Variants in EYS observed in about 807,000 individuals in gnomAD.
EYS encodes the protein protein eyes shut homolog.
In EYS, 250 loss-of-function variants were observed where a neutral mutation model predicts 282.1. That is an observed-to-expected ratio of 0.89 (90% CI 0.80 to 0.98). The LOEUF (loss-of-function observed/expected upper bound fraction) is 0.98. Among genes scored for constraint, EYS ranks in the 50% least tolerant of loss-of-function variants. EYS has a pLI of 0.00. For synonymous variants in EYS, 1,355 were observed against 1,282.9 expected, an observed-to-expected ratio of 1.06 and a Z score of -1.20; for missense variants, 4,016 against 3,709.0, an observed-to-expected ratio of 1.08 and a Z score of -2.15.
At chr6:64,646,198 G>C (rs370911144) in intron 22 of EYS, among the ~76,000 whole-genome samples, 20 of 152,256 alleles carry the variant, frequency 1.3e-4, no homozygotes, top group African/African-American at 4.8e-4. Context: ...CGTCTGCCCT[G>C]TTACTTCAGT....
At chr6:65,123,303 A>T (rs1183788741) in intron 12 of EYS, among the ~76,000 whole-genome samples, 1 of 152,218 alleles carries the variant, frequency 6.6e-6, no homozygotes, top group East Asian at 1.9e-4. Flanking sequence ...GTATTCTGTA[A>T]TACAGTTATG....
At chr6:64,517,992 C>T (rs1006660312) in intron 26 of EYS, among the ~76,000 whole-genome samples, 9 of 151,830 alleles carry the variant, frequency 5.9e-5, no homozygotes, top group African/African-American at 2.2e-4. Flanking sequence ...CTTGCCTTTT[C>T]TTTGTAATCT....
intron 30 of EYS, among the ~76,000 whole-genome samples, chr6:64,262,561 T>C (rs11966030): frequency 0.015 from 2,327 of 152,042 alleles, 57 homozygotes; most frequent in African/African-American, 0.053. Flanking sequence ...AATATCTAAG[T>C]AAAAATTTGA....
At chr6:64,396,148 A>AT (rs1773368856) in intron 28 of EYS, among the ~76,000 whole-genome samples, 1 of 152,062 alleles carries the variant, frequency 6.6e-6, no homozygotes, top group African/African-American at 2.4e-5. Context: ...TGAGATATAT[A>AT]TTTTTGAATT....
At chr6:65,554,554 T>G (rs941523008) in intron 2 of EYS, among the ~76,000 whole-genome samples, 1 of 152,180 alleles carries the variant, frequency 6.6e-6, no homozygotes, top group African/African-American at 2.4e-5. Context: ...TTGTATGCCA[T>G]ATTTGCCTAC....
chr6:64,453,391 G>A (rs1375305037), intron 26 of EYS, among the ~76,000 whole-genome samples: 1 of 152,078 alleles, frequency 6.6e-6, no homozygotes, highest in African/African-American at 2.4e-5. Context: ...AAATAGGAAT[G>A]CTTTTACACT....
At chr6:65,089,587 G>A (rs1316392267) in intron 12 of EYS, among the ~76,000 whole-genome samples, 2 of 152,114 alleles carry the variant, frequency 1.3e-5, no homozygotes, top group East Asian at 1.9e-4. Flanking sequence ...ATGTTCATAA[G>A]TGGAAGGGAC....
intron 11 of EYS, chr6:65,332,148 A>T: frequency 2.1e-6 from 1 of 470,010 alleles, no homozygotes; most frequent in Non-Finnish European, 3.8e-6. Flanking sequence ...AACTTCTCTT[A>T]TCAGATTGTG....
intron 30 of EYS, among the ~76,000 whole-genome samples, chr6:64,291,721 A>C (rs1768714603): frequency 6.6e-6 from 1 of 151,938 alleles, no homozygotes; most frequent in Non-Finnish European, 1.5e-5. Flanking sequence ...CTTTGTCTCT[A>C]TTTTCTTTTA....
At chr6:64,124,748 T>C (rs1439783394) in intron 31 of EYS, among the ~76,000 whole-genome samples, 4 of 152,190 alleles carry the variant, frequency 2.6e-5, no homozygotes, top group African/African-American at 7.2e-5. Context: ...ACCCTAATCA[T>C]TGTATCATAT....
intron 31 of EYS, among the ~76,000 whole-genome samples, chr6:64,147,169 C>T (rs1282305330): frequency 6.6e-6 from 1 of 152,072 alleles, no homozygotes; most frequent in Non-Finnish European, 1.5e-5. Context: ...AAGTACTTTG[C>T]TATTCTTTTT....
At chr6:65,002,605 G>A (rs1455850287) in intron 13 of EYS, among the ~76,000 whole-genome samples, 2 of 147,340 alleles carry the variant, frequency 1.4e-5, no homozygotes, top group Non-Finnish European at 3.0e-5. Flanking sequence ...TAAAATTTGA[G>A]TTAAATCCTA....
At chr6:64,685,025 A>G (rs1770039507) in intron 22 of EYS, among the ~76,000 whole-genome samples, 1 of 152,108 alleles carries the variant, frequency 6.6e-6, no homozygotes, top group South Asian at 2.1e-4. Context: ...ACTACAGACT[A>G]ATATAAGAGA....
At chr6:65,474,826 TGAAGATGAAAGA>T (rs1765339506) in intron 5 of EYS, among the ~76,000 whole-genome samples, 1 of 151,894 alleles carries the variant, frequency 6.6e-6, no homozygotes, top group African/African-American at 2.4e-5. Context: ...CTTTGAGTAG[TGAAGATGAAAGA>T]GCACTAAGAA....
chr6:63,880,131 A>G (rs1773087580), intron 35 of EYS, among the ~76,000 whole-genome samples: 1 of 152,200 alleles, frequency 6.6e-6, no homozygotes, highest in Non-Finnish European at 1.5e-5. Context: ...GATGCAAGGT[A>G]TTAATCCTGC....
rs58671025 is a variant in EYS, at chr6:64,952,936, C to T, written c.2260-7022G>A. Reference sequence around the variant, plus strand: ...TGTCTAATGTTTGACTGAATAGGTGCTAGAGATTGGAACATCTATAATGAT... The same window carrying T: ...TGTCTAATGTTTGACTGAATAGGTGTTAGAGATTGGAACATCTATAATGAT... On this transcript the variant is annotated intron_variant, in intron 14 of 42. Transcript: ENST00000503581. Among the ~76,000 whole-genome samples, 1,453 of 151,904 alleles carry T rather than the reference C, an allele frequency of 9.6e-3. 23 individuals carry two copies. The highest frequency in any genetic ancestry group is 0.033 in the African/African-American group (1,389 of 41,480).
chr6:65,206,859 T>C (rs944573479), intron 12 of EYS, among the ~76,000 whole-genome samples: 8 of 151,686 alleles, frequency 5.3e-5, no homozygotes, highest in Admixed American at 4.0e-4. Flanking sequence ...AAACTAGCAA[T>C]TGAAGGAAAA....
chr6:64,400,227 T>C (rs1181580345), intron 28 of EYS: 4 of 152,156 alleles, frequency 2.6e-5, no homozygotes, highest in African/African-American at 7.2e-5. Context: ...ATTATCTATA[T>C]AATAGTTGTG....
chr6:65,345,418 C>T (rs533455748), intron 9 of EYS, among the ~76,000 whole-genome samples: 1 of 151,812 alleles, frequency 6.6e-6, no homozygotes, highest in East Asian at 2.0e-4. Context: ...GTTCCTCCCT[C>T]TGTGTTTTTG....
Sources: allele counts gnomAD v4.1 joint callset (sites outside exome capture counted in the v4.1 genomes callset), GRCh38; gene constraint gnomAD v4.1.1; transcripts MANE v1.5; gene names NCBI Gene and HGNC (gene_info 2026-07-23, HGNC 2026-07-21).